Variants in SNAPC3 observed in about 807,000 individuals in gnomAD.
The protein encoded by SNAPC3 is snRNA-activating protein complex subunit 3.
Under a neutral mutation model 47.7 loss-of-function variants are expected in SNAPC3, and 56 were observed. That is an observed-to-expected ratio of 1.18 (90% CI 0.95 to 1.47). The LOEUF (loss-of-function observed/expected upper bound fraction) is 1.47. Ranked by LOEUF, SNAPC3 falls within the 40% of genes most tolerant of loss-of-function variation. SNAPC3 has a pLI of 0.00. For missense variants in SNAPC3, 665 were observed against 511.3 expected (o/e 1.30, Z -2.90); for synonymous variants, 235 against 189.9 (o/e 1.24, Z -1.95).
intron 7 of SNAPC3, among the ~76,000 whole-genome samples, chr9:15,456,399 G>T (rs565578699): frequency 6.6e-6 from 1 of 152,156 alleles, no homozygotes; most frequent in Admixed American, 6.5e-5. Context: ...TTAAACTCAT[G>T]GTAACTTCTT....
chr9:15,446,766 A>G (rs57230095), intron 4 of SNAPC3, among the ~76,000 whole-genome samples: 6,277 of 152,214 alleles, frequency 0.041, 408 homozygotes, highest in African/African-American at 0.14. Flanking sequence ...GAACAATTCC[A>G]GTAGGTTTGG....
In SNAPC3 at chr9:15,461,323, G is replaced by A. The variant is rs1265609754; in HGVS notation, c.*1457G>A. On this transcript the variant is annotated 3_prime_UTR_variant, in exon 9 of 9. Transcript: ENST00000380821. ...CATGGTGGCACAGGCCACCATGGCG[G>A]GCTAATTTTTTTATTTCTTGTAGAT... 1 of 152,098 alleles carries A rather than the reference G, an allele frequency of 6.6e-6. No homozygotes were observed. Among genetic ancestry groups the A allele is most frequent in the African/African-American group, 2.4e-5 (1 of 41,404 alleles). The allele number at this position is 152,098 out of a possible 1,614,324, so 9.4% of individuals were successfully genotyped here. A position where few individuals can be genotyped will look rare whatever the true frequency, so the allele number is the denominator to read the frequency against.
chr9:15,434,751 T>C (rs2032585455), intron 3 of SNAPC3, among the ~76,000 whole-genome samples: 1 of 152,202 alleles, frequency 6.6e-6, no homozygotes, highest in Non-Finnish European at 1.5e-5. Context: ...TTCATCCATA[T>C]TGTAACGTGT....
chr9:15,442,314 G>A (rs564045897), intron 3 of SNAPC3, among the ~76,000 whole-genome samples: 86 of 149,994 alleles, frequency 5.7e-4, no homozygotes, highest in African/African-American at 1.8e-3. Flanking sequence ...CCTCCCTCCC[G>A]GACAGGGAGG....
chr9:15,428,899 C>T (rs1297349658), intron 2 of SNAPC3, among the ~76,000 whole-genome samples: 1 of 149,788 alleles, frequency 6.7e-6, no homozygotes, highest in Non-Finnish European at 1.5e-5. Context: ...TATCAGAGTC[C>T]CTGAAGAAGA....
At chr9:15,463,215 C>CTTTTTT (rs142971475), downstream of SNAPC3, 1 of 52,164 alleles carries the variant, frequency 1.9e-5, no homozygotes, top group Non-Finnish European at 3.4e-5. Flanking sequence ...TGGTATGACT[C>CTTTTTT]TTTTTTTTTT....
chr9:15,454,641 A>G lies in SNAPC3; in HGVS notation c.980+1436A>G, dbSNP rs559551429. Among the ~76,000 whole-genome samples, 7 of 152,334 alleles carry G rather than the reference A, an allele frequency of 4.6e-5. No homozygotes were observed. The South Asian group carries it at 1.2e-3, about 27-fold the overall frequency. ...GACTGAATTCGTGACAGGTACACTG[A>G]AAATTAAGCAAATGGGCCAGGCCCG... On this transcript the variant is annotated intron_variant, in intron 7 of 8. Coordinates refer to ENST00000380821, the MANE Select transcript of SNAPC3 (RefSeq NM_001039697.2).
chr9:15,426,655 A>G (rs1426942558), intron 2 of SNAPC3, among the ~76,000 whole-genome samples: 3 of 152,238 alleles, frequency 2.0e-5, no homozygotes, highest in Non-Finnish European at 2.9e-5. Flanking sequence ...ATAGTTAATA[A>G]TGTATTCATT....
intron 3 of SNAPC3, among the ~76,000 whole-genome samples, chr9:15,434,762 A>G (rs960622478): frequency 1.2e-4 from 18 of 152,212 alleles, no homozygotes; most frequent in African/African-American, 3.9e-4. Context: ...TGTAACGTGT[A>G]TTAGAACTTC....
chr9:15,439,994 T>TG (rs960003030), intron 3 of SNAPC3, among the ~76,000 whole-genome samples: 2 of 152,254 alleles, frequency 1.3e-5, no homozygotes, highest in Middle Eastern at 3.2e-3. Flanking sequence ...TGGGGTTTAT[T>TG]GGGGCATAAT....
intron 7 of SNAPC3, among the ~76,000 whole-genome samples, chr9:15,454,047 C>T (rs1048231650): frequency 6.6e-6 from 1 of 152,018 alleles, no homozygotes; most frequent in African/African-American, 2.4e-5. Flanking sequence ...CCAGCCTGAA[C>T]AATATGGTGA....
At chr9:15,463,042 T>A (rs2132009408), downstream of SNAPC3, 1 of 152,142 alleles carries the variant, frequency 6.6e-6, no homozygotes, top group African/African-American at 2.4e-5. Context: ...GCAAAATCTA[T>A]CATATTATTT....
chr9:15,465,732 T>C (rs1405460805), downstream of SNAPC3: 6 of 573,128 alleles, frequency 1.0e-5, no homozygotes, highest in Non-Finnish European at 1.5e-5. Context: ...AGAACAGTCA[T>C]TATTATTTTT....
chr9:15,433,424 AACT>A (rs1470731142), intron 2 of SNAPC3, 125 bp from the exon 3 acceptor site: 1 of 682,438 alleles, frequency 1.5e-6, no homozygotes, highest in Non-Finnish European at 2.6e-6. Context: ...GATAGAAGGG[AACT>A]TTTTCCTGCT....
intron 5 of SNAPC3, among the ~76,000 whole-genome samples, 161 bp from the exon 6 acceptor site, chr9:15,451,159 C>T (rs1261946601): frequency 2.6e-5 from 4 of 151,672 alleles, no homozygotes; most frequent in Admixed American, 1.3e-4. Flanking sequence ...TTAGATCAAA[C>T]GTAGTGATTA....
At chr9:15,457,044 C>T (rs2034849987) in intron 7 of SNAPC3, among the ~76,000 whole-genome samples, 1 of 152,128 alleles carries the variant, frequency 6.6e-6, no homozygotes, top group Non-Finnish European at 1.5e-5. Context: ...AAAGGATTTA[C>T]CCAAAGCCAT....
At chr9:15,452,783 T>C (rs1191669729) in intron 6 of SNAPC3, among the ~76,000 whole-genome samples, 1 of 152,252 alleles carries the variant, frequency 6.6e-6, no homozygotes, top group African/African-American at 2.4e-5. Flanking sequence ...CAAAACACAA[T>C]GAGTGGCATT....
At chr9:15,462,944 T>C (rs940696054), downstream of SNAPC3, 1 of 152,214 alleles carries the variant, frequency 6.6e-6, no homozygotes, top group Non-Finnish European at 1.5e-5. Flanking sequence ...TCTGCTCTTA[T>C]ACAGGATTAG....
chr9:15,459,259 A>G (rs1254708713), intron 8 of SNAPC3, among the ~76,000 whole-genome samples: 2 of 152,190 alleles, frequency 1.3e-5, no homozygotes, highest in African/African-American at 2.4e-5. Context: ...AGTTCTAGGT[A>G]AAAAGAGTTA....
Sources: gnomAD v4.1 joint callset for allele counts (sites outside exome capture counted in the v4.1 genomes callset) on GRCh38, gnomAD v4.1.1 for gene constraint, MANE v1.5 for transcripts, NCBI Gene and HGNC (gene_info 2026-07-23, HGNC 2026-07-21) for gene names.